CDH13: variants seen among roughly 807,000 people sequenced by gnomAD.
CDH13 encodes cadherin-13.
Under a neutral mutation model 63.8 loss-of-function variants are expected in CDH13, and 24 were observed. The ratio of observed to expected loss-of-function variants is 0.38; its 90% confidence interval spans 0.27 to 0.53. The LOEUF (loss-of-function observed/expected upper bound fraction) is 0.53. CDH13 is among the 20% of genes least tolerant of loss of function. CDH13 has a pLI of 0.85. For missense variants in CDH13, 1,049 were observed against 903.1 expected, an observed-to-expected ratio of 1.16 and a Z score of -2.07; for synonymous variants, 503 against 355.3, an observed-to-expected ratio of 1.42 and a Z score of -4.67.
intron 1 of CDH13, among the ~76,000 whole-genome samples, chr16:82,711,515 C>T (rs1394496984): frequency 6.6e-6 from 1 of 152,050 alleles, no homozygotes; most frequent in Non-Finnish European, 1.5e-5. Flanking sequence ...GGTGATGCCA[C>T]TTGAAAAAAG....
At chr16:83,508,137 A>AATGGG (rs2074462259) in intron 7 of CDH13, among the ~76,000 whole-genome samples, 1 of 81,982 alleles carries the variant, frequency 1.2e-5, no homozygotes. Context: ...AAGGAAAGGG[A>AATGGG]AGGGGAGGGG....
At chr16:83,467,288 C>T (rs1448328240) in intron 6 of CDH13, among the ~76,000 whole-genome samples, 1 of 152,138 alleles carries the variant, frequency 6.6e-6, no homozygotes, top group Non-Finnish European at 1.5e-5. Flanking sequence ...TTGTCTTGTC[C>T]ATGTTTTTAT....
At chr16:83,508,620 T>TGTGTTCTCCCG (rs1267106707) in intron 7 of CDH13, among the ~76,000 whole-genome samples, 2 of 152,204 alleles carry the variant, frequency 1.3e-5, no homozygotes, top group Non-Finnish European at 2.9e-5. Flanking sequence ...AACTTCGAGA[T>TGTGTTCTCCCG]ATGTTCTCCC....
At chr16:83,481,214 C>T (rs888004247) in intron 6 of CDH13, among the ~76,000 whole-genome samples, 8 of 152,174 alleles carry the variant, frequency 5.3e-5, no homozygotes, top group African/African-American at 1.9e-4. Context: ...ATCAGAAATC[C>T]AGTGCTGAAT....
intron 6 of CDH13, among the ~76,000 whole-genome samples, chr16:83,395,643 T>C (rs1245473421): frequency 5.3e-5 from 8 of 152,076 alleles, no homozygotes; most frequent in African/African-American, 1.9e-4. Context: ...GGTGGTAGAA[T>C]ATAGATGTAG....
intron 2 of CDH13, among the ~76,000 whole-genome samples, chr16:82,915,312 C>G (rs1567657972): frequency 1.3e-5 from 2 of 152,158 alleles, no homozygotes; most frequent in South Asian, 2.1e-4. Flanking sequence ...GGGAGAATGT[C>G]TTTTTGTGAC....
intron 1 of CDH13, among the ~76,000 whole-genome samples, chr16:82,630,459 C>G (rs1002896624): frequency 6.6e-6 from 1 of 152,222 alleles, no homozygotes; most frequent in Admixed American, 6.5e-5. Context: ...CGCTCCTACT[C>G]TGCCTCCCTC....
At chr16:83,479,514 G>A (rs771604685) in intron 6 of CDH13, among the ~76,000 whole-genome samples, 3 of 152,094 alleles carry the variant, frequency 2.0e-5, no homozygotes, top group Non-Finnish European at 2.9e-5. Context: ...AAAATTAGCC[G>A]GGCGTAGTGG....
intron 3 of CDH13, among the ~76,000 whole-genome samples, chr16:83,056,873 G>C (rs924876786): frequency 6.6e-6 from 1 of 152,202 alleles, no homozygotes; most frequent in Non-Finnish European, 1.5e-5. Context: ...CGTGTAGGAT[G>C]TGCCTTTGCT....
intron 2 of CDH13, among the ~76,000 whole-genome samples, chr16:82,913,355 T>C (rs1252936090): frequency 6.6e-6 from 1 of 152,146 alleles, no homozygotes; most frequent in East Asian, 1.9e-4. Flanking sequence ...CAGGAGCATG[T>C]GTCGTTCAGC....
intron 1 of CDH13, chr16:82,823,626 T>A (rs1056683835): frequency 1.3e-5 from 2 of 152,132 alleles, no homozygotes; most frequent in South Asian, 2.1e-4. Context: ...CCAAAACAAC[T>A]GCAAAGGGAA....
intron 1 of CDH13, among the ~76,000 whole-genome samples, chr16:82,810,639 C>G (rs1033602606): frequency 3.3e-5 from 5 of 152,166 alleles, no homozygotes; most frequent in Admixed American, 2.0e-4. Flanking sequence ...AGACATGATT[C>G]TCAGCCCCCA....
intron 2 of CDH13, among the ~76,000 whole-genome samples, chr16:82,985,197 G>T (rs530348791): frequency 9.8e-5 from 15 of 152,320 alleles, no homozygotes; most frequent in African/African-American, 3.6e-4. Flanking sequence ...TCTTCAGGAT[G>T]CACAGGTGTC....
At chr16:83,353,172 C>A (rs544731726) in intron 6 of CDH13, among the ~76,000 whole-genome samples, 13 of 152,362 alleles carry the variant, frequency 8.5e-5, no homozygotes, top group Non-Finnish European at 1.6e-4. Context: ...CGTCAGCACT[C>A]TGCCACATGT....
At chr16:83,011,329 T>A (rs1597403166) in intron 2 of CDH13, among the ~76,000 whole-genome samples, 1 of 152,174 alleles carries the variant, frequency 6.6e-6, no homozygotes, top group East Asian at 1.9e-4. Context: ...CTTAGCACAC[T>A]GTTCAGCTCA....
intron 6 of CDH13, among the ~76,000 whole-genome samples, chr16:83,351,912 A>G (rs1284526579): frequency 6.6e-6 from 1 of 152,198 alleles, no homozygotes; most frequent in Non-Finnish European, 1.5e-5. Context: ...GTTTCTCCAG[A>G]TGACACTCAG....
chr16:82,717,749 T>A (rs12444845), intron 1 of CDH13, among the ~76,000 whole-genome samples: 15,485 of 152,214 alleles, frequency 0.1, 909 homozygotes, highest in East Asian at 0.26. Context: ...ATCATTAATT[T>A]GGCCACATCT....
intron 2 of CDH13, among the ~76,000 whole-genome samples, chr16:82,917,211 G>A (rs185340031): frequency 1.3e-5 from 2 of 152,172 alleles, no homozygotes; most frequent in Non-Finnish European, 2.9e-5. Flanking sequence ...TAAAGAAGGG[G>A]CTAGCAGGTC....
chr16:83,159,008 C>T (rs12598353), intron 4 of CDH13, among the ~76,000 whole-genome samples: 3,509 of 152,240 alleles, frequency 0.023, 65 homozygotes, highest in East Asian at 0.11. Flanking sequence ...CATTTGGTTT[C>T]CAAATTTATT....
Sources: gnomAD v4.1 joint callset for allele counts (sites outside exome capture counted in the v4.1 genomes callset) on GRCh38, gnomAD v4.1.1 for gene constraint, MANE v1.5 for transcripts, NCBI Gene and HGNC (gene_info 2026-07-23, HGNC 2026-07-21) for gene names.